The following RANBP2 variants were observed in gnomAD, a reference collection of about 807,000 sequenced individuals.
The protein encoded by RANBP2 is RAN binding protein 2, also known as E3 SUMO-protein ligase RanBP2.
In RANBP2, 57 loss-of-function variants were observed where a neutral mutation model predicts 303.6. The observed-to-expected ratio is 0.19, with a 90% CI of 0.15 to 0.23. The LOEUF is 0.23. RANBP2 is among the 10% of genes least tolerant of loss of function. The pLI, the probability that RANBP2 is intolerant of heterozygous loss-of-function variation, is 1.00. For missense variants in RANBP2, 3,138 were observed against 3,780.8 expected, an observed-to-expected ratio of 0.83 and a Z score of 4.46; for synonymous variants, 1,167 against 1,301.5, an observed-to-expected ratio of 0.90 and a Z score of 2.23.
At chr2:108,823,309 A>T in the RANBP2 span, among the ~76,000 whole-genome samples, 1 of 152,216 alleles carries the variant, frequency 6.6e-6, no homozygotes, top group Non-Finnish European at 1.5e-5. Context: ...CATTACCCTG[A>T]TACCAAAGCT....
the RANBP2 span, among the ~76,000 whole-genome samples, chr2:109,015,211 T>C: frequency 6.8e-6 from 1 of 146,568 alleles, no homozygotes; most frequent in Non-Finnish European, 1.5e-5. Context: ...GTTAATACAG[T>C]TGACCCTTGA....
chr2:109,336,212 GAGA>G, the RANBP2 span, among the ~76,000 whole-genome samples: 1 of 152,222 alleles, frequency 6.6e-6, no homozygotes, highest in Non-Finnish European at 1.5e-5. Flanking sequence ...TGGCCTGCAG[GAGA>G]AGGATTCTCC....
the RANBP2 span, among the ~76,000 whole-genome samples, chr2:109,316,852 C>T: frequency 2.0e-5 from 3 of 152,326 alleles, 1 homozygote; most frequent in Admixed American, 1.3e-4. Flanking sequence ...TTTGTACTGT[C>T]GCTGTAGTTC....
At chr2:108,883,944 GTCTC>G in the RANBP2 span, 1 of 34,924 alleles carries the variant, frequency 2.9e-5, no homozygotes, top group African/African-American at 6.0e-5. Context: ...TTGAGGCAGA[GTCTC>G]TCACAGGTTC....
the RANBP2 span, among the ~76,000 whole-genome samples, chr2:109,244,102 G>C: frequency 2.6e-5 from 4 of 152,182 alleles, no homozygotes; most frequent in African/African-American, 9.6e-5. Flanking sequence ...CTGATAGAAA[G>C]AATAGTTTTC....
the RANBP2 span, among the ~76,000 whole-genome samples, chr2:108,818,353 T>G: frequency 4.3e-4 from 65 of 152,164 alleles, 1 homozygote; most frequent in Non-Finnish European, 2.4e-4. Context: ...GTTTTTATAT[T>G]AGTCTAATAA....
the RANBP2 span, among the ~76,000 whole-genome samples, chr2:109,223,698 C>T: frequency 6.6e-6 from 1 of 152,296 alleles, no homozygotes; most frequent in South Asian, 2.1e-4. Context: ...TGATGCTGCC[C>T]CAACGTGGAG....
At chr2:109,429,426 G>A in the RANBP2 span, among the ~76,000 whole-genome samples, 22 of 152,320 alleles carry the variant, frequency 1.4e-4, no homozygotes, top group Non-Finnish European at 2.9e-4. Context: ...AGATCAGAGT[G>A]AAGGATTACT....
At chr2:109,712,893 T>A in the RANBP2 span, among the ~76,000 whole-genome samples, 10 of 152,240 alleles carry the variant, frequency 6.6e-5, no homozygotes, top group Non-Finnish European at 1.3e-4. Flanking sequence ...TCATGGGTCC[T>A]GTGCTGTGCG....
chr2:108,729,270 G>T, intron 2 of RANBP2, 71 bp downstream of exon 2: 1 of 1,462,840 alleles, frequency 6.8e-7, no homozygotes, highest in Non-Finnish European at 9.2e-7. Flanking sequence ...CTTTGAAATA[G>T]GTAAAAATAT....
chr2:109,615,269 C>A, the RANBP2 span: 1 of 1,575,504 alleles, frequency 6.3e-7, no homozygotes, highest in Non-Finnish European at 8.6e-7. Context: ...GCGGCGGAGG[C>A]TCCGTGACGC....
chr2:109,311,568 C>T, the RANBP2 span, among the ~76,000 whole-genome samples: 4,499 of 152,130 alleles, frequency 0.03, 247 homozygotes, highest in African/African-American at 0.1. Context: ...TGTTTGCAGA[C>T]GACATGATTG....
the RANBP2 span, among the ~76,000 whole-genome samples, chr2:108,993,288 G>C: frequency 2.0e-5 from 3 of 152,300 alleles, no homozygotes; most frequent in Admixed American, 2.0e-4. Flanking sequence ...CCAGAGCCAG[G>C]TGTGCTGAGG....
chr2:109,100,248 G>A, the RANBP2 span, among the ~76,000 whole-genome samples: 1,468 of 152,312 alleles, frequency 9.6e-3, 35 homozygotes, highest in African/African-American at 0.033. Flanking sequence ...GGAGGTAAAT[G>A]GCAGGCAAGT....
the RANBP2 span, among the ~76,000 whole-genome samples, chr2:109,517,682 G>T: frequency 1.3e-5 from 2 of 152,196 alleles, no homozygotes; most frequent in Non-Finnish European, 2.9e-5. Flanking sequence ...TTACTGCTCC[G>T]TCCTGGGCTG....
the RANBP2 span, among the ~76,000 whole-genome samples, chr2:109,187,012 G>C: frequency 6.7e-6 from 1 of 149,734 alleles, no homozygotes; most frequent in African/African-American, 2.4e-5. Context: ...AGGCGGAGCT[G>C]GGCCTAGCCC....
the RANBP2 span, among the ~76,000 whole-genome samples, chr2:109,195,483 TA>T: frequency 2.0e-5 from 3 of 152,228 alleles, no homozygotes; most frequent in African/African-American, 7.2e-5. Context: ...CCTTGCCACA[TA>T]AAGAGCTGTA....
At chr2:109,513,128 C>G in the RANBP2 span, among the ~76,000 whole-genome samples, 1 of 152,198 alleles carries the variant, frequency 6.6e-6, no homozygotes, top group Non-Finnish European at 1.5e-5. Flanking sequence ...AGCTCCTTCC[C>G]TGGCACAATG....
the RANBP2 span, among the ~76,000 whole-genome samples, chr2:108,913,927 G>C: frequency 7.6e-6 from 1 of 131,610 alleles, no homozygotes; most frequent in African/African-American, 2.8e-5. Context: ...TCCAGCCTGG[G>C]TGACACAGTG....
Sources: allele counts gnomAD v4.1 joint callset (sites outside exome capture counted in the v4.1 genomes callset), GRCh38; gene constraint gnomAD v4.1.1; transcripts MANE v1.5; gene names NCBI Gene and HGNC (gene_info 2026-07-23, HGNC 2026-07-21).